The following BAIAP2 variants were observed in gnomAD, a reference collection of about 807,000 sequenced individuals.
BAIAP2 encodes the protein BAR/IMD domain containing adaptor protein 2.
BAIAP2 carries 18 observed loss-of-function variants against 63.0 expected under a neutral mutation model. That is an observed-to-expected ratio of 0.29 (90% CI 0.20 to 0.42). BAIAP2 has a LOEUF of 0.42. Among genes scored for constraint, BAIAP2 ranks in the 10% least tolerant of loss-of-function variants. BAIAP2 has a pLI of 1.00. For synonymous variants in BAIAP2, 386 were observed against 307.6 expected (o/e 1.25, Z -2.67); for missense variants, 610 against 734.3 (o/e 0.83, Z 1.96).
rs553505547 is a variant in BAIAP2, at chr17:81,035,174, C to G, written c.-81C>G. The G allele has an allele frequency of 6.4e-5, 79 of 1,224,936 alleles. No homozygotes were observed. Among genetic ancestry groups the G allele is most frequent in the Admixed American group, 8.0e-5 (3 of 37,320 alleles). The allele number at this position is 1,224,936 out of a possible 1,614,324, so 75.9% of individuals were successfully genotyped here. A position where few individuals can be genotyped will look rare whatever the true frequency, so the allele number is the denominator to read the frequency against. On this transcript the variant is annotated 5_prime_UTR_variant, in exon 1 of 14. Coordinates refer to ENST00000428708, the MANE Select transcript of BAIAP2 (RefSeq NM_001144888.2). The stretch of plus-strand genomic sequence containing the variant: ...CTGTGGTTCGGGTCCGCTTTCGTCT[C>G]CGTCCTGCTGCCGTTACCGCCGCTG...
intron 13 of BAIAP2, chr17:81,109,770 C>G (rs774139797): frequency 2.0e-6 from 2 of 985,460 alleles, no homozygotes; most frequent in Non-Finnish European, 2.4e-6. Context: ...CGCTGCCCAG[C>G]TGGCCGCACA....
chr17:81,063,471 G>A (rs1008250766), intron 3 of BAIAP2, among the ~76,000 whole-genome samples: 7 of 152,210 alleles, frequency 4.6e-5, no homozygotes, highest in Non-Finnish European at 8.8e-5. Flanking sequence ...GGATGAGCTC[G>A]AGGCCCAAGG....
chr17:81,094,797 AC>A (rs2057356638), intron 6 of BAIAP2, among the ~76,000 whole-genome samples: 1 of 152,162 alleles, frequency 6.6e-6, no homozygotes, highest in African/African-American at 2.4e-5. Flanking sequence ...CCCACACACC[AC>A]AGCTGACCGG....
At position 81,053,560 on chromosome 17, in the gene BAIAP2, C is replaced by A. The variant is rs2049006967; in HGVS notation, c.55-108C>A. ...CCACCTTGAGCATTTGTGGTGTCGA[C>A]CCCCAGGAGGGGTGCCTGCTCTGGG... On this transcript the variant is annotated intron_variant, in intron 1 of 13. Transcript: ENST00000428708. 8.4e-6 allele frequency: 10 copies of A among 1,185,282 alleles called. No homozygotes were observed. The East Asian group carries it at 2.1e-4, about 25-fold the overall frequency. 73.4% of individuals were successfully genotyped at this position (1,185,282 alleles called of 1,614,324 possible).
Position 81,115,808 on chromosome 17 carries a change from CCAA to C in BAIAP2, c.1576_1578del (p.Asn526del), listed in dbSNP as rs748707164. The C allele has an allele frequency of 2.5e-6, 4 of 1,613,468 alleles. No homozygotes were observed. The highest frequency in any genetic ancestry group is 1.6e-4 in the Middle Eastern group (1 of 6,080). The stretch of plus-strand genomic sequence containing the variant: ...CACGTCCAGCTGAAGCCGACAGTGA[CCAA>C]CGACAGGTCTGCCCCCCTCCTCAGC... On this transcript the variant is annotated inframe_deletion, in exon 14 of 14. Coordinates refer to ENST00000428708, the MANE Select transcript of BAIAP2 (RefSeq NM_001144888.2).
intron 1 of BAIAP2, among the ~76,000 whole-genome samples, chr17:81,045,249 C>T (rs1411866845): frequency 6.6e-6 from 1 of 152,186 alleles, no homozygotes; most frequent in African/African-American, 2.4e-5. Flanking sequence ...TGCAGGTGTC[C>T]AAGGCCCATG....
rs372352446 is a variant in BAIAP2, at chr17:81,057,894, A to G, written c.144A>G (p.Ala48=). 9 of 1,604,658 alleles carry G rather than the reference A, an allele frequency of 5.6e-6. No homozygotes were observed. In the African/African-American group the frequency reaches 1.2e-4, roughly 22 times the overall value. Residue 48 remains alanine, a synonymous_variant, in exon 3 of 14, where the codon GCA becomes GCG. Coordinates refer to ENST00000428708, the MANE Select transcript of BAIAP2 (RefSeq NM_001144888.2). The part of the protein sequence containing the change: ...YEKALAGVTY[A]AKGYFDALVK... ...CTTCTCTCTCAGGTGTGACGTATGC[A>G]GCCAAAGGCTACTTTGACGCCCTGG...
At chr17:81,041,534 G>GT (rs1189268224) in intron 1 of BAIAP2, among the ~76,000 whole-genome samples, 1 of 152,112 alleles carries the variant, frequency 6.6e-6, no homozygotes, top group East Asian at 1.9e-4. Context: ...ATTGGGTAGT[G>GT]TTTTTTCGTT....
chr17:81,109,640 C>T lies in BAIAP2; in HGVS notation c.1535+1131C>T, dbSNP rs570275503. ...AGCCGGCCGCTCCTGTGAGGGAGGC[C>T]GGGCCCGGGCACCTGAGGGCTTCTC... On this transcript the variant is annotated intron_variant, in intron 13 of 13. Transcript: ENST00000428708. 1.9e-4 allele frequency: 187 copies of T among 985,192 alleles called. 1 individual carries two copies. The highest frequency in any genetic ancestry group is 2.1e-4 in the Non-Finnish European group (178 of 829,896). 61.0% of individuals were successfully genotyped at this position (985,192 alleles called of 1,614,324 possible). A position where few individuals can be genotyped will look rare whatever the true frequency, so the allele number is the denominator to read the frequency against.
intron 3 of BAIAP2, among the ~76,000 whole-genome samples, chr17:81,062,325 A>G (rs1197146159): frequency 6.8e-6 from 1 of 147,918 alleles, no homozygotes; most frequent in Admixed American, 6.7e-5. Flanking sequence ...TTTTTTTGGT[A>G]TTACAGTTTT....
In BAIAP2 at chr17:81,104,729, G is replaced by T; in HGVS notation, c.1268+14G>T. The T allele has an allele frequency of 1.3e-6, 2 of 1,552,076 alleles. No homozygotes were observed. The highest frequency in any genetic ancestry group is 1.2e-5 in the South Asian group (1 of 85,136). On this transcript the variant is annotated intron_variant, in intron 10 of 13. Coordinates refer to ENST00000428708, the MANE Select transcript of BAIAP2 (RefSeq NM_001144888.2). ...GAAGACCAAGATGTGAGTGTTTCTC[G>T]GGGGCGGGCTCCAGGCAGCCGCTGC...
At chr17:81,086,066 C>G (rs1473483323) in intron 5 of BAIAP2, among the ~76,000 whole-genome samples, 2 of 152,094 alleles carry the variant, frequency 1.3e-5, no homozygotes, top group Non-Finnish European at 2.9e-5. Context: ...CCCGTCCTGC[C>G]CCACCGCCAC....
intron 2 of BAIAP2, among the ~76,000 whole-genome samples, chr17:81,057,156 G>A (rs1408990335): frequency 2.6e-5 from 4 of 152,292 alleles, no homozygotes; most frequent in East Asian, 1.9e-4. Flanking sequence ...CCCTTTCTGC[G>A]GCCTGGAGGT....
chr17:81,114,467 G>A (rs1438967863), intron 13 of BAIAP2, among the ~76,000 whole-genome samples: 1 of 152,110 alleles, frequency 6.6e-6, no homozygotes, highest in Non-Finnish European at 1.5e-5. Flanking sequence ...GAAGGGCAAA[G>A]CTGCACCGAT....
rs577865145 is a variant in BAIAP2 at position 81,108,187 on chromosome 17, C to T, written c.1501-288C>T. ...TGGGGGCAGGAGGAGGGGTCTCAGG[C>T]GGCCAGTCTTGCATCTGTTTGGGAG... On this transcript the variant is annotated intron_variant, in intron 12 of 13. Transcript: ENST00000428708. 1.1e-3 allele frequency: 562 copies of T among 494,582 alleles called. 3 individuals are homozygous for T. Among genetic ancestry groups the T allele is most frequent in the African/African-American group, 1.0e-2 (507 of 50,824 alleles). 30.6% of individuals were successfully genotyped at this position (494,582 alleles called of 1,614,324 possible).
intron 6 of BAIAP2, among the ~76,000 whole-genome samples, chr17:81,096,175 C>T (rs955168479): frequency 6.6e-6 from 1 of 152,150 alleles, no homozygotes; most frequent in East Asian, 1.9e-4. Context: ...TCTGGGCAGC[C>T]CCCTGGGCCT....
At chr17:81,113,958 CTTTTTTTTTTTTTT>C (rs58758919) in intron 13 of BAIAP2, among the ~76,000 whole-genome samples, 1 of 83,170 alleles carries the variant, frequency 1.2e-5, no homozygotes. Flanking sequence ...TGGGAACCCA[CTTTTTTTTTTTTTT>C]TTTTTTTTTT....
At chr17:81,096,977 A>AGAG (rs202204731) in intron 6 of BAIAP2, among the ~76,000 whole-genome samples, 152 of 151,924 alleles carry the variant, frequency 1.0e-3, no homozygotes, top group Non-Finnish European at 1.6e-3. Flanking sequence ...AGGAGAAAGG[A>AGAG]GAGGAGGAGG....
At chr17:81,058,012 T>A in intron 3 of BAIAP2, 45 bp downstream of exon 3, 4 of 1,273,532 alleles carry the variant, frequency 3.1e-6, no homozygotes, top group African/African-American at 1.9e-5. Context: ...CCTGATGCCC[T>A]CAGGCAGCTC....
Sources: gnomAD v4.1 joint callset for allele counts (sites outside exome capture counted in the v4.1 genomes callset) on GRCh38, gnomAD v4.1.1 for gene constraint, MANE v1.5 for transcripts, NCBI Gene and HGNC (gene_info 2026-07-23, HGNC 2026-07-21) for gene names.